TAF1: variants seen among roughly 807,000 people sequenced by gnomAD.
TAF1 encodes the protein transcription initiation factor TFIID subunit 1.
TAF1 carries 2 observed loss-of-function variants against 138.5 expected under a neutral mutation model. That is an observed-to-expected ratio of 0.01 (90% CI 0.01 to 0.05). The LOEUF (loss-of-function observed/expected upper bound fraction) is 0.05. Ranked by LOEUF, TAF1 falls within the 10% of genes least tolerant of loss-of-function variation. The pLI is 1.00. For synonymous variants in TAF1, 437 were observed against 503.2 expected, an observed-to-expected ratio of 0.87 and a Z score of 1.76; for missense variants, 709 against 1,478.0, an observed-to-expected ratio of 0.48 and a Z score of 8.53.
At chrX:71,522,663 C>T (rs2039923789) in intron 13 of TAF1, among the ~76,000 whole-genome samples, 1 of 17,584 alleles carries the variant, frequency 5.7e-5, no homozygotes, top group Non-Finnish European at 1.1e-4. Flanking sequence ...AGTGTTCTTT[C>T]AATAGCGTTC....
At chrX:71,502,703 T>C (rs906391114) in intron 13 of TAF1, among the ~76,000 whole-genome samples, 4 of 112,490 alleles carry the variant, frequency 3.6e-5, no homozygotes, top group African/African-American at 6.5e-5. Flanking sequence ...TTTGGGAGGC[T>C]GAGGCAGGCA....
intron 13 of TAF1, among the ~76,000 whole-genome samples, chrX:71,477,665 A>G (rs991285938): frequency 8.9e-6 from 1 of 112,330 alleles, no homozygotes; most frequent in African/African-American, 3.2e-5. Flanking sequence ...AAATCATAAA[A>G]TAAAATTTGG....
chrX:71,455,952 G>A lies in TAF1; in HGVS notation c.4938+1095G>A, dbSNP rs758038293. 1.8e-4 allele frequency among the ~76,000 whole-genome samples: 20 copies of A among 111,199 alleles called. No homozygotes were observed. The South Asian group carries it at 7.8e-3, about 43-fold the overall frequency. On this transcript the variant is annotated intron_variant, in intron 34 of 37. Transcript: ENST00000423759. ...CTTTCATCTCACAACCTAGGTTACTGAGGGGCCAGGTATAAAAGAACCCTC... is the reference window on the plus strand; with the variant it reads ...CTTTCATCTCACAACCTAGGTTACTAAGGGGCCAGGTATAAAAGAACCCTC...
Position 71,458,215 on chromosome X carries a change from G to C in TAF1, c.4939-26G>C. 5 of 1,206,086 alleles carry C rather than the reference G, an allele frequency of 4.1e-6. No individual in the cohort carries two copies. In the South Asian group the frequency reaches 9.0e-5, roughly 22 times the overall value. On this transcript the variant is annotated intron_variant, in intron 34 of 37. Coordinates refer to ENST00000423759, the MANE Select transcript of TAF1 (RefSeq NM_004606.5). ...TTTATTTTCCCTTTCCTAGATAGAA[G>C]CTAAGTTGTATGTTTTGTGCCACAG... is the stretch of plus-strand genomic sequence containing the variant.
chrX:71,526,840 G>A (rs745473644), intron 13 of TAF1, among the ~76,000 whole-genome samples: 2 of 107,435 alleles, frequency 1.9e-5, no homozygotes, highest in South Asian at 8.5e-4. Flanking sequence ...GGCCAAGGCA[G>A]GAGGATCACG....
intron 25 of TAF1, among the ~76,000 whole-genome samples, chrX:71,404,973 TTG>T (rs1279375743): frequency 4.4e-4 from 44 of 100,634 alleles, no homozygotes; most frequent in African/African-American, 1.5e-3. Context: ...TTTTTTTTTT[TTG>T]AGACAGAGTC....
At chrX:71,406,878 A>G (rs1193914493) in intron 26 of TAF1, 132 bp downstream of exon 26, 2 of 423,761 alleles carry the variant, frequency 4.7e-6, no homozygotes, top group Non-Finnish European at 7.5e-6. Context: ...GTTCATTATA[A>G]GATTTCTAAA....
At chrX:71,386,763 C>T (rs890064652) in intron 14 of TAF1, among the ~76,000 whole-genome samples, 3 of 112,981 alleles carry the variant, frequency 2.7e-5, no homozygotes, top group Admixed American at 1.9e-4. Context: ...CTGTGCCCGG[C>T]GTTGTTTTGT....
At chrX:71,471,894 A>G (rs754392670) in intron 13 of TAF1, among the ~76,000 whole-genome samples, 3 of 111,943 alleles carry the variant, frequency 2.7e-5, no homozygotes, top group Non-Finnish European at 5.6e-5. Flanking sequence ...GTGACATTAC[A>G]AAGTTACACT....
At chrX:71,496,761 TTCTC>T (rs987671209) in intron 13 of TAF1, among the ~76,000 whole-genome samples, 4 of 111,213 alleles carry the variant, frequency 3.6e-5, no homozygotes, top group African/African-American at 6.5e-5. Context: ...TTCTGTCTCT[TTCTC>T]TCTTTCTCTT....
chrX:71,453,137 C>G (rs959337577), intron 32 of TAF1, among the ~76,000 whole-genome samples: 2 of 110,881 alleles, frequency 1.8e-5, no homozygotes, highest in African/African-American at 6.5e-5. Flanking sequence ...AGGAGGAATT[C>G]TGTCTTACTC....
intron 13 of TAF1, among the ~76,000 whole-genome samples, chrX:71,476,922 G>T (rs2038989448): frequency 9.1e-6 from 1 of 109,833 alleles, no homozygotes; most frequent in Admixed American, 9.8e-5. Flanking sequence ...AGACTTAGAT[G>T]TGCAAGGCAA....
In TAF1 at chrX:71,382,880, G is replaced by A. The variant is rs369114997; in HGVS notation, c.1773+12G>A. 8.4e-7 allele frequency: 1 copy of A among 1,196,940 alleles called. No homozygotes were observed. The highest frequency in any genetic ancestry group is 1.8e-5 in the African/African-American group (1 of 56,774). On this transcript the variant is annotated intron_variant, in intron 11 of 37. Transcript: ENST00000423759. ...GGAATATTATCCAGGTACAAATAGT[G>A]TCTTTTCTGTGATAGAGGAGAACCC...
intron 32 of TAF1, among the ~76,000 whole-genome samples, chrX:71,447,359 G>T (rs1301342288): frequency 9.0e-6 from 1 of 110,846 alleles, no homozygotes; most frequent in Non-Finnish European, 1.9e-5. Flanking sequence ...TTGGTGCCCA[G>T]GGGTGCTTGC....
At chrX:71,454,613 GATT>G (rs771288765) in intron 33 of TAF1, 125 bp from the exon 34 acceptor site, 4 of 560,516 alleles carry the variant, frequency 7.1e-6, no homozygotes, top group Non-Finnish European at 1.1e-5. Context: ...AATTTATTTT[GATT>G]ATTATCTGTG....
intron 13 of TAF1, among the ~76,000 whole-genome samples, chrX:71,503,350 A>G (rs754496431): frequency 2.0e-5 from 2 of 100,691 alleles, no homozygotes; most frequent in East Asian, 3.0e-4. Flanking sequence ...ATATGTGTAT[A>G]TATATATATA....
At chrX:71,373,101 C>G (rs2033203371) in intron 3 of TAF1, among the ~76,000 whole-genome samples, 1 of 108,668 alleles carries the variant, frequency 9.2e-6, no homozygotes, top group South Asian at 4.0e-4. Context: ...CTCCTGACCT[C>G]GTGATCCACC....
In TAF1 at chrX:71,389,576, C is replaced by T; in HGVS notation, c.2701-9C>T. On this transcript the variant is annotated splice_polypyrimidine_tract_variant and intron_variant, in intron 17 of 37. Transcript: ENST00000423759. ...TGACTGATTTATGCATGGATCTGTC[C>T]TCTTCCAGGATGCTGGCTATGGTGA... is the stretch of plus-strand genomic sequence containing the variant. 2 of 1,195,942 alleles carry T rather than the reference C, an allele frequency of 1.7e-6. No individual in the cohort carries two copies. Among genetic ancestry groups the T allele is most frequent in the South Asian group, 1.8e-5 (1 of 54,156 alleles).
intron 36 of TAF1, among the ~76,000 whole-genome samples, chrX:71,459,915 GACAGTGCCTAAGTA>G (rs761654394): frequency 8.9e-6 from 1 of 111,912 alleles, no homozygotes; most frequent in Non-Finnish European, 1.9e-5. Flanking sequence ...CAGTGGAAAA[GACAGTGCCTAAGTA>G]ACAGCTTTGA....
Sources: gnomAD v4.1 joint callset for allele counts (sites outside exome capture counted in the v4.1 genomes callset) on GRCh38, gnomAD v4.1.1 for gene constraint, MANE v1.5 for transcripts, NCBI Gene and HGNC (gene_info 2026-07-23, HGNC 2026-07-21) for gene names.